The following PHTF2 variants were observed in gnomAD, a reference collection of about 807,000 sequenced individuals.
PHTF2 encodes putative homeodomain transcription factor 2, also known as protein PHTF2.
In PHTF2, 60 loss-of-function variants were observed where a neutral mutation model predicts 101.2. The ratio of observed to expected loss-of-function variants is 0.59; its 90% confidence interval spans 0.48 to 0.73. The LOEUF is 0.73. Among genes scored for constraint, PHTF2 ranks in the 30% least tolerant of loss-of-function variants. The probability of loss-of-function intolerance (pLI) is 0.00; values close to 1 mark genes in which losing one functional copy is unlikely to be tolerated. For synonymous variants in PHTF2, 311 were observed against 307.3 expected (o/e 1.01, Z -0.13); for missense variants, 747 against 908.7 (o/e 0.82, Z 2.29).
At chr7:77,864,731 G>A (rs1797915700) in intron 3 of PHTF2, among the ~76,000 whole-genome samples, 1 of 151,472 alleles carries the variant, frequency 6.6e-6, no homozygotes, top group African/African-American at 2.4e-5. Context: ...TCCTGCTAGT[G>A]CTCCTATGGG....
intron 1 of PHTF2, among the ~76,000 whole-genome samples, chr7:77,811,214 C>T (rs1034627198): frequency 9.2e-5 from 14 of 152,182 alleles, no homozygotes; most frequent in Non-Finnish European, 1.2e-4. Flanking sequence ...GGGTTACGTA[C>T]TTTAGGCAGG....
At chr7:77,871,758 G>T (rs1053279914) in intron 3 of PHTF2, among the ~76,000 whole-genome samples, 1 of 152,148 alleles carries the variant, frequency 6.6e-6, no homozygotes, top group African/African-American at 2.4e-5. Context: ...TCAGAATGAT[G>T]GGGAGCATGG....
At chr7:77,859,117 A>G in intron 3 of PHTF2, among the ~76,000 whole-genome samples, 1 of 152,100 alleles carries the variant, frequency 6.6e-6, no homozygotes, top group Non-Finnish European at 1.5e-5. Context: ...TGCCTTCTTC[A>G]CACTCTTTCT....
At chr7:77,834,188 C>CGA (rs1268255443) in intron 1 of PHTF2, among the ~76,000 whole-genome samples, 2 of 151,892 alleles carry the variant, frequency 1.3e-5, no homozygotes, top group South Asian at 2.1e-4. Flanking sequence ...ATGGTACATG[C>CGA]CTATAGTCAC....
At chr7:77,926,454 C>T (rs1262012948) in intron 11 of PHTF2, among the ~76,000 whole-genome samples, 1 of 151,906 alleles carries the variant, frequency 6.6e-6, no homozygotes, top group Non-Finnish European at 1.5e-5. Context: ...AATAAACAGC[C>T]CTCCTCCCAC....
At chr7:77,913,177 CAGG>C (rs1163498048) in intron 9 of PHTF2, among the ~76,000 whole-genome samples, 9 of 151,934 alleles carry the variant, frequency 5.9e-5, no homozygotes, top group Admixed American at 3.9e-4. Flanking sequence ...CACCTGAGGT[CAGG>C]AGTTCAAGAC....
chr7:77,852,932 T>C (rs2150632322), intron 2 of PHTF2, among the ~76,000 whole-genome samples: 1 of 152,338 alleles, frequency 6.6e-6, no homozygotes, highest in African/African-American at 2.4e-5. Context: ...AGGTTTCCAC[T>C]GAGAAGTCTG....
chr7:77,829,174 C>A (rs1447100051), intron 1 of PHTF2, among the ~76,000 whole-genome samples: 2 of 152,110 alleles, frequency 1.3e-5, no homozygotes, highest in Non-Finnish European at 2.9e-5. Context: ...GAGTGAGACC[C>A]TGTCTCCTAA....
At chr7:77,827,508 C>T (rs550883859) in intron 1 of PHTF2, among the ~76,000 whole-genome samples, 4 of 152,152 alleles carry the variant, frequency 2.6e-5, no homozygotes, top group Admixed American at 2.6e-4. Flanking sequence ...CACCTGCCAC[C>T]ACGCCCGGCT....
chr7:77,940,408 A>AT (rs373303836), intron 14 of PHTF2, 106 bp downstream of exon 13: 564 of 1,272,878 alleles, frequency 4.4e-4, no homozygotes, highest in Non-Finnish European at 5.3e-4. Context: ...TTACCTAATT[A>AT]TTTTTTATTT....
intron 1 of PHTF2, among the ~76,000 whole-genome samples, chr7:77,837,967 G>A (rs1795596716): frequency 6.6e-6 from 1 of 152,112 alleles, no homozygotes; most frequent in South Asian, 2.1e-4. Flanking sequence ...AGATAATCTG[G>A]AATATTTGTC....
chr7:77,817,583 C>T (rs1432523411), intron 1 of PHTF2, among the ~76,000 whole-genome samples: 2 of 148,566 alleles, frequency 1.3e-5, no homozygotes, highest in East Asian at 3.9e-4. Context: ...TGAGGGAAAC[C>T]ACCCCAATGA....
chr7:77,879,857 A>G (rs1799263074), intron 3 of PHTF2, among the ~76,000 whole-genome samples: 1 of 152,224 alleles, frequency 6.6e-6, no homozygotes, highest in South Asian at 2.1e-4. Context: ...TCTTCTACTC[A>G]CAGTACTTTT....
chr7:77,809,813 C>G (rs978549102), intron 1 of PHTF2, among the ~76,000 whole-genome samples: 2 of 152,076 alleles, frequency 1.3e-5, no homozygotes, highest in African/African-American at 4.8e-5. Flanking sequence ...CTTAACCTGT[C>G]TCTTCATTGA....
In PHTF2 at chr7:77,895,930, A is replaced by G. The variant is rs1354732092; in HGVS notation, c.216+1937A>G. On this transcript the variant is annotated intron_variant, in intron 5 of 19. Transcript: ENST00000416283. ...CTCGATCGTTCACAGACAGTTATAGATCAGATGAAGTCCTTGTTTCACTCT... is the reference window on the plus strand; with the variant it reads ...CTCGATCGTTCACAGACAGTTATAGGTCAGATGAAGTCCTTGTTTCACTCT... The G allele has an allele frequency of 2.6e-5, 4 of 152,244 alleles. No homozygotes were observed. The East Asian group carries it at 7.7e-4, about 29-fold the overall frequency. The allele number at this position is 152,244 out of a possible 1,614,324, so 9.4% of individuals were successfully genotyped here.
At chr7:77,944,646 G>A (rs1158305046) in intron 16 of PHTF2, among the ~76,000 whole-genome samples, 1 of 152,060 alleles carries the variant, frequency 6.6e-6, no homozygotes. Flanking sequence ...TCAAAACATA[G>A]GAAGAAACAG....
chr7:77,872,541 T>G (rs1021471831), intron 3 of PHTF2, among the ~76,000 whole-genome samples: 1 of 152,210 alleles, frequency 6.6e-6, no homozygotes, highest in African/African-American at 2.4e-5. Context: ...ACACCCACCT[T>G]GCCTTTGATG....
Position 77,814,669 on chromosome 7 carries a change from G to A in PHTF2, c.-36+15698G>A, listed in dbSNP as rs190893916. Among the ~76,000 whole-genome samples, 282 of 151,998 alleles carry A rather than the reference G, an allele frequency of 1.9e-3. 2 individuals carry two copies. The highest frequency in any genetic ancestry group is 6.2e-3 in the African/African-American group (257 of 41,454). On this transcript the variant is annotated intron_variant, in intron 1 of 19. Coordinates refer to ENST00000416283, the Ensembl canonical transcript of PHTF2. ...TGGGATTACAGGCACGCGCCACCGC[G>A]CCCAGCTAATTTTTGTATTTTTAGT...
intron 11 of PHTF2, among the ~76,000 whole-genome samples, chr7:77,924,399 A>G (rs189312628): frequency 2.8e-4 from 42 of 152,270 alleles, no homozygotes; most frequent in Admixed American, 2.5e-3. Context: ...AAACAAAACA[A>G]CTTCTTGAAG....
Sources: allele counts gnomAD v4.1 joint callset (sites outside exome capture counted in the v4.1 genomes callset), GRCh38; gene constraint gnomAD v4.1.1; transcripts MANE v1.5; gene names NCBI Gene and HGNC (gene_info 2026-07-23, HGNC 2026-07-21).